Variants in RBFOX1 observed in about 807,000 individuals in gnomAD.
The protein encoded by RBFOX1 is RNA binding fox-1 homolog 1.
In RBFOX1, 8 loss-of-function variants were observed where a neutral mutation model predicts 57.7. The observed-to-expected ratio is 0.14, with a 90% CI of 0.08 to 0.25. The LOEUF (loss-of-function observed/expected upper bound fraction) is 0.25, where lower values mean the gene tolerates loss of function less well. RBFOX1 is among the 10% of genes least tolerant of loss of function. RBFOX1 has a pLI of 1.00. For synonymous variants in RBFOX1, 326 were observed against 222.4 expected, an observed-to-expected ratio of 1.47 and a Z score of -4.15; for missense variants, 611 against 548.5, an observed-to-expected ratio of 1.11 and a Z score of -1.14.
chr16:6,834,053 A>G lies in RBFOX1; in HGVS notation c.-16+179403A>G, dbSNP rs549239955. Among the ~76,000 whole-genome samples the G allele has an allele frequency of 5.6e-5, 6 of 107,360 alleles. No homozygotes were observed. In the South Asian group the frequency reaches 1.8e-3, roughly 33 times the overall value. The allele number at this position is 107,360 out of a possible 152,430, so 70.4% of individuals were successfully genotyped here. On this transcript the variant is annotated intron_variant, in intron 3 of 15. Coordinates refer to ENST00000550418, the MANE Select transcript of RBFOX1 (RefSeq NM_018723.4). ...AAAGGTTGGGGGTACCTGATCCAATAAATATTTTTTTTTCTATTTTTATTT... is the reference window on the plus strand; with the variant it reads ...AAAGGTTGGGGGTACCTGATCCAATGAATATTTTTTTTTCTATTTTTATTT...
At chr16:6,710,230 C>T (rs920399640) in intron 3 of RBFOX1, among the ~76,000 whole-genome samples, 1 of 152,116 alleles carries the variant, frequency 6.6e-6, no homozygotes, top group Non-Finnish European at 1.5e-5. Context: ...TTTTCCTTAA[C>T]TTCTCAAAGC....
intron 3 of RBFOX1, among the ~76,000 whole-genome samples, chr16:6,775,169 CAAA>C (rs74584596): frequency 8.3e-5 from 7 of 84,098 alleles, no homozygotes; most frequent in Non-Finnish European, 1.5e-4. Flanking sequence ...ACTAAAAGTA[CAAA>C]AAAAAAAAAA....
chr16:5,498,902 G>A (rs976730034), intron 2 of RBFOX1, among the ~76,000 whole-genome samples: 5 of 152,188 alleles, frequency 3.3e-5, no homozygotes, highest in South Asian at 2.1e-4. Flanking sequence ...GGGTCTGCAG[G>A]TCCATCCTTC....
At chr16:7,194,692 T>C (rs563146225) in intron 4 of RBFOX1, among the ~76,000 whole-genome samples, 1 of 151,962 alleles carries the variant, frequency 6.6e-6, no homozygotes, top group African/African-American at 2.4e-5. Context: ...ATTTTAGAGG[T>C]TGAGGTGGGT....
At chr16:7,081,699 ATTAT>A (rs2059230559) in intron 4 of RBFOX1, among the ~76,000 whole-genome samples, 2 of 152,178 alleles carry the variant, frequency 1.3e-5, no homozygotes. Flanking sequence ...ATATTTCATA[ATTAT>A]TTATTTTAAA....
intron 2 of RBFOX1, among the ~76,000 whole-genome samples, chr16:6,359,937 G>T (rs1425911801): frequency 2.6e-5 from 4 of 152,144 alleles, no homozygotes. Flanking sequence ...AATGGGATGT[G>T]ATCTATGTCC....
chr16:6,592,668 T>C (rs774055311), intron 2 of RBFOX1, among the ~76,000 whole-genome samples: 6 of 152,146 alleles, frequency 3.9e-5, no homozygotes, highest in South Asian at 2.1e-4. Context: ...GCTATCTGTT[T>C]AGTTTTGAAG....
Position 5,351,624 on chromosome 16 carries a change from G to A in RBFOX1, c.219+111519G>A, listed in dbSNP as rs9939296. Among the ~76,000 whole-genome samples, 590 of 152,290 alleles carry A rather than the reference G, an allele frequency of 3.9e-3. 3 individuals are homozygous for A. The highest frequency in any genetic ancestry group is 0.012 in the African/African-American group (519 of 41,572). Reference sequence around the variant, plus strand: ...TAAGCCTTTCCTCTCTATGGAGACCGCATGCAATGTACTCAATGCCTGTGA... The same window carrying A: ...TAAGCCTTTCCTCTCTATGGAGACCACATGCAATGTACTCAATGCCTGTGA... On this transcript the variant is annotated intron_variant, in intron 1 of 2. Transcript: ENST00000585867.
chr16:6,332,367 T>G (rs1434843983), intron 2 of RBFOX1, among the ~76,000 whole-genome samples: 1 of 152,148 alleles, frequency 6.6e-6, no homozygotes, highest in African/African-American at 2.4e-5. Context: ...AAATAAGACT[T>G]TAGAATCTCC....
chr16:6,231,924 G>C (rs758899368), intron 1 of RBFOX1, among the ~76,000 whole-genome samples: 2 of 142,734 alleles, frequency 1.4e-5, no homozygotes, highest in Admixed American at 7.4e-5. Flanking sequence ...CAAAACAATA[G>C]TCTGTACACT....
rs79417999 is a variant in RBFOX1 at position 6,454,660 on chromosome 16, C to T, written c.-64+137603C>T. On this transcript the variant is annotated intron_variant, in intron 2 of 15. Coordinates refer to ENST00000550418, the MANE Select transcript of RBFOX1 (RefSeq NM_018723.4). The stretch of plus-strand genomic sequence containing the variant: ...GAATATATACTTAAAACCAGCACTT[C>T]ACCTACATGTGCATTCTTCTGCCTG... Among the ~76,000 whole-genome samples, 711 of 152,222 alleles carry T rather than the reference C, an allele frequency of 4.7e-3. 19 individuals carry two copies. The East Asian group carries it at 0.092, about 20-fold the overall frequency.
intron 2 of RBFOX1, among the ~76,000 whole-genome samples, chr16:6,542,617 G>A (rs1348725270): frequency 2.0e-5 from 3 of 149,552 alleles, no homozygotes; most frequent in Non-Finnish European, 4.4e-5. Context: ...AGCCTGGCAA[G>A]TAGCTGGGAC....
intron 3 of RBFOX1, among the ~76,000 whole-genome samples, chr16:6,881,539 G>C (rs1011410454): frequency 1.3e-5 from 2 of 152,106 alleles, no homozygotes; most frequent in African/African-American, 4.8e-5. Flanking sequence ...ATGCATGTCT[G>C]TGTCCAAACA....
intron 2 of RBFOX1, among the ~76,000 whole-genome samples, chr16:6,499,371 A>T (rs952419050): frequency 6.6e-6 from 1 of 151,784 alleles, no homozygotes; most frequent in African/African-American, 2.4e-5. Flanking sequence ...ACAAACAGCC[A>T]TGTGTAAAAA....
chr16:5,589,166 A>T (rs1434981778), intron 2 of RBFOX1, among the ~76,000 whole-genome samples: 1 of 152,166 alleles, frequency 6.6e-6, no homozygotes, highest in African/African-American at 2.4e-5. Context: ...GACCCACTGT[A>T]AGAAGCTGTT....
intron 4 of RBFOX1, among the ~76,000 whole-genome samples, chr16:7,152,294 G>C (rs974749553): frequency 2.0e-5 from 3 of 152,068 alleles, no homozygotes. Flanking sequence ...TTCTATCAGT[G>C]GAAAGAGAGA....
intron 1 of RBFOX1, among the ~76,000 whole-genome samples, chr16:6,088,913 A>G (rs1044123880): frequency 3.9e-5 from 6 of 151,986 alleles, no homozygotes. Flanking sequence ...TCGCTAACAC[A>G]GTGAAATCCC....
intron 2 of RBFOX1, among the ~76,000 whole-genome samples, chr16:6,541,654 T>C (rs937693764): frequency 3.9e-5 from 6 of 152,234 alleles, no homozygotes; most frequent in Middle Eastern, 3.4e-3. Context: ...AGGTGGAAAT[T>C]TAATTGTAGG....
intron 2 of RBFOX1, among the ~76,000 whole-genome samples, chr16:5,491,429 A>G (rs2042824844): frequency 6.6e-6 from 1 of 152,232 alleles, no homozygotes; most frequent in Non-Finnish European, 1.5e-5. Flanking sequence ...CTTTGATGAC[A>G]AGAATGCATA....
Sources: allele counts gnomAD v4.1 joint callset (sites outside exome capture counted in the v4.1 genomes callset), GRCh38; gene constraint gnomAD v4.1.1; transcripts MANE v1.5; gene names NCBI Gene and HGNC (gene_info 2026-07-23, HGNC 2026-07-21).